Variants in SCNN1A observed in about 807,000 individuals in gnomAD.
SCNN1A encodes the protein sodium channel epithelial 1 subunit alpha, also known as epithelial sodium channel subunit alpha.
Under a neutral mutation model 68.6 loss-of-function variants are expected in SCNN1A, and 65 were observed. The ratio of observed to expected loss-of-function variants is 0.95; its 90% CI spans 0.78 to 1.16. The LOEUF (loss-of-function observed/expected upper bound fraction) is 1.16. SCNN1A is among the 50% of genes most tolerant of loss of function. The pLI is 0.00. For missense variants in SCNN1A, 880 were observed against 865.9 expected (o/e 1.02, Z -0.20); for synonymous variants, 357 against 353.3 (o/e 1.01, Z -0.12).
At chr12:6,350,699 T>G (rs1244076699) in intron 8 of SCNN1A, among the ~76,000 whole-genome samples, 1 of 151,926 alleles carries the variant, frequency 6.6e-6, no homozygotes, top group Non-Finnish European at 1.5e-5. Context: ...TAGTCGGGTG[T>G]GGTGGTGCAC....
chr12:6,348,715 G>A lies in SCNN1A; in HGVS notation c.1629+12C>T. Reference sequence around the variant, plus strand: ...CCCAGAGCATCACAGGCTCCATCCAGGCACGACCTACCGTGACAGAGGGAG... The same window carrying A: ...CCCAGAGCATCACAGGCTCCATCCAAGCACGACCTACCGTGACAGAGGGAG... On this transcript the variant is annotated intron_variant, in intron 12 of 12. Coordinates refer to ENST00000228916, the MANE Select transcript of SCNN1A (RefSeq NM_001038.6). 1 of 1,610,058 alleles carries A rather than the reference G, an allele frequency of 6.2e-7. No individual in the cohort carries two copies. Among genetic ancestry groups the A allele is most frequent in the Non-Finnish European group, 8.5e-7 (1 of 1,176,952 alleles).
rs1466187895 is a variant in SCNN1A, at chr12:6,351,377, A to C, written c.1361-1972T>G. 6.6e-6 allele frequency among the ~76,000 whole-genome samples: 1 copy of C among 152,198 alleles called. No homozygotes were observed. Among genetic ancestry groups the C allele is most frequent in the East Asian group, 1.9e-4 (1 of 5,194 alleles). On this transcript the variant is annotated intron_variant, in intron 8 of 12. Transcript: ENST00000228916. The surrounding 1 kb of genome is among the most constrained non-coding windows in gnomAD (Gnocchi z 4.2). ...AGTGGCTCATGCCTGTAATCCCAGC[A>C]CTTGGGGGCTGAGGTGGGCGGATCA...
intron 2 of SCNN1A, among the ~76,000 whole-genome samples, chr12:6,373,596 T>C (rs1948834349): frequency 6.6e-6 from 1 of 152,162 alleles, no homozygotes; most frequent in Non-Finnish European, 1.5e-5. Flanking sequence ...CCCTCCTCTC[T>C]TCTCCACGCT....
upstream of SCNN1A, chr12:6,375,683 A>G: frequency 6.9e-7 from 1 of 1,454,840 alleles, no homozygotes; most frequent in Admixed American, 2.5e-5. Context: ...GTGAACTGGG[A>G]GTACTGGACC....
upstream of SCNN1A, chr12:6,375,652 AAGG>A: frequency 6.7e-7 from 1 of 1,482,038 alleles, no homozygotes; most frequent in South Asian, 1.3e-5. Context: ...TTTCCGAAGG[AAGG>A]AGGGCTCCCG....
In SCNN1A at chr12:6,347,555, C is replaced by G. The variant is rs1948279197; in HGVS notation, c.*318G>C. On this transcript the variant is annotated 3_prime_UTR_variant, in exon 13 of 13. Transcript: ENST00000228916. Reference sequence around the variant, plus strand: ...TTATCAGCGGTTTCTTAGGAAAGTTCCTTGTCAAAGCTCCAAGTTTCGCTT... The same window carrying G: ...TTATCAGCGGTTTCTTAGGAAAGTTGCTTGTCAAAGCTCCAAGTTTCGCTT... 3 of 421,798 alleles carry G rather than the reference C, an allele frequency of 7.1e-6. No homozygotes were observed. In the South Asian group the frequency reaches 9.0e-5, roughly 13 times the overall value. The allele number at this position is 421,798 out of a possible 1,614,324, so 26.1% of individuals were successfully genotyped here.
chr12:6,349,216 G>A lies in SCNN1A; in HGVS notation c.1445C>T (p.Thr482Ile). ...GTAACCAGCAGAGAGCTGGTAGCTG[G>A]TCACGCTGGGGATGGAGAAAGGTGC... Reference protein sequence around the residue: ...FTKCRKPCSVTSYQLSAGYSR... With the variant: ...FTKCRKPCSVISYQLSAGYSR... Residue 482 changes from threonine (T) to isoleucine (I), a missense_variant, in exon 10 of 13, where the codon ACC becomes ATC. Physicochemically the swap from Thr to Ile is moderately conservative, Grantham distance 89. This residue lies in a region of SCNN1A where 758 missense variants were observed against 721.8 expected (regional missense o/e 1.05). Transcript: ENST00000228916. The A allele has an allele frequency of 6.2e-7, 1 of 1,614,154 alleles. No homozygotes were observed. Among genetic ancestry groups the A allele is most frequent in the Non-Finnish European group, 8.5e-7 (1 of 1,180,016 alleles).
chr12:6,370,134 G>A (rs1043411614), intron 2 of SCNN1A, among the ~76,000 whole-genome samples: 2 of 152,202 alleles, frequency 1.3e-5, no homozygotes, highest in African/African-American at 4.8e-5. Flanking sequence ...ACATTGGAGG[G>A]TGAGTCAACC....
At chr12:6,360,246 C>A (rs536111480) in intron 4 of SCNN1A, among the ~76,000 whole-genome samples, 23 of 152,218 alleles carry the variant, frequency 1.5e-4, no homozygotes, top group Admixed American at 6.5e-4. Flanking sequence ...ACAACCCAGG[C>A]GAGCAATGAG....
In SCNN1A at chr12:6,372,788, C is replaced by G. The variant is rs1232109450; in HGVS notation, c.416+1580G>C. ...GAAAAATGAGGCTAAGAGGAAGGAC[C>G]CAAGAGAGCTCTGAAATGAGGCGGA... On this transcript the variant is annotated intron_variant, in intron 2 of 12. Transcript: ENST00000228916. The surrounding 1 kb of genome is among the most constrained non-coding windows in gnomAD (Gnocchi z 5.8). Among the ~76,000 whole-genome samples, 1 of 152,128 alleles carries G rather than the reference C, an allele frequency of 6.6e-6. No individual in the cohort carries two copies. The highest frequency in any genetic ancestry group is 2.4e-5 in the African/African-American group (1 of 41,412).
chr12:6,350,009 A>T, intron 8 of SCNN1A: 1 of 193,568 alleles, frequency 5.2e-6, no homozygotes, highest in Admixed American at 5.3e-5. Flanking sequence ...TACAGGTGTG[A>T]GCGACCGCAC....
In SCNN1A at chr12:6,374,808, T is replaced by C. The variant is rs369609706; in HGVS notation, c.-25A>G. On this transcript the variant is annotated 5_prime_UTR_variant, in exon 2 of 13. Coordinates refer to ENST00000228916, the MANE Select transcript of SCNN1A (RefSeq NM_001038.6). This position sits in a 1 kb window ranked among gnomAD's most constrained non-coding sequence, Gnocchi z 6.2. Reference sequence around the variant, plus strand: ...TGAGACCTGGTATGGGCTGCAGAGGTCTAGGGTCCTGCTCCTCCAGCTTGT... The same window carrying C: ...TGAGACCTGGTATGGGCTGCAGAGGCCTAGGGTCCTGCTCCTCCAGCTTGT... 100 of 1,612,916 alleles carry C rather than the reference T, an allele frequency of 6.2e-5. 3 individuals carry two copies. The Middle Eastern group carries it at 6.8e-3, about 109-fold the overall frequency.
In SCNN1A at chr12:6,347,935, G is replaced by A. The variant is rs753487231; in HGVS notation, c.1948C>T (p.Arg650Cys). The A allele has an allele frequency of 1.9e-5, 30 of 1,581,808 alleles. No individual in the cohort carries two copies. Among genetic ancestry groups the A allele is most frequent in the South Asian group, 1.3e-4 (11 of 87,732 alleles). ...PPPAYATLGP[R>C]PSPGGSAGAS... ...CCTGCAGAGCCCCCTGGAGATGGGC[G>A]GGGGCCCAGGGTGGCATAGGCAGGG... The change falls in exon 13 of 13, where the codon CGC (arginine) becomes TGC (cysteine). Residue 650 changes from arginine (R) to cysteine (C), a missense_variant. Physicochemically the swap from Arg to Cys is radical, Grantham distance 180. Coordinates refer to ENST00000228916, the MANE Select transcript of SCNN1A (RefSeq NM_001038.6).
In SCNN1A at chr12:6,347,747, T is replaced by C. The variant is rs1275741896; in HGVS notation, c.*126A>G. 6.1e-6 allele frequency: 5 copies of C among 814,270 alleles called. No homozygotes were observed. The highest frequency in any genetic ancestry group is 1.7e-5 in the African/African-American group (1 of 58,788). 50.4% of individuals were successfully genotyped at this position (814,270 alleles called of 1,614,324 possible). On this transcript the variant is annotated 3_prime_UTR_variant, in exon 13 of 13. Coordinates refer to ENST00000228916, the MANE Select transcript of SCNN1A (RefSeq NM_001038.6). The stretch of plus-strand genomic sequence containing the variant: ...GAGCCCTTACCCATCTTGCTTCCCC[T>C]CCACACATCAACGGCAGTTTGGGCG...
chr12:6,369,833 C>CAAA (rs397850777), intron 2 of SCNN1A, among the ~76,000 whole-genome samples: 2,009 of 93,500 alleles, frequency 0.021, 111 homozygotes, highest in Admixed American at 0.14. Context: ...GACTCTGTCT[C>CAAA]AAAAAAAAAA....
At position 6,372,186 on chromosome 12, in the gene SCNN1A, C is replaced by A. The variant is rs1329621556; in HGVS notation, c.416+2182G>T. Among the ~76,000 whole-genome samples, 1 of 152,182 alleles carries A rather than the reference C, an allele frequency of 6.6e-6. No individual in the cohort carries two copies. The highest frequency in any genetic ancestry group is 3.2e-3 in the Middle Eastern group (1 of 316). On this transcript the variant is annotated intron_variant, in intron 2 of 12. Transcript: ENST00000228916. The surrounding 1 kb of genome is among the most constrained non-coding windows in gnomAD (Gnocchi z 5.8). ...TAAATAAATAATGTATGTTCCCTTG[C>A]TCAAATTATTTCCTCTTGCCAAGCC...
At chr12:6,349,296 C>A in intron 9 of SCNN1A, 31 bp downstream of exon 9, 2 of 1,613,234 alleles carry the variant, frequency 1.2e-6, no homozygotes, top group Non-Finnish European at 1.7e-6. Context: ...TGTATTCTAC[C>A]CAACCTGTAC....
intron 1 of SCNN1A, 131 bp downstream of exon 1, chr12:6,375,374 G>T (rs1334482711): frequency 3.4e-6 from 5 of 1,469,920 alleles, no homozygotes; most frequent in Non-Finnish European, 4.5e-6. Flanking sequence ...TCCTGATTCT[G>T]TCTCTGCCCC....
intron 8 of SCNN1A, among the ~76,000 whole-genome samples, chr12:6,352,918 A>G (rs1400491586): frequency 6.6e-6 from 1 of 152,188 alleles, no homozygotes; most frequent in Admixed American, 6.5e-5. Flanking sequence ...GCCCACTACC[A>G]TGTCCCCTCC....
Sources: gnomAD v4.1 joint callset for allele counts (sites outside exome capture counted in the v4.1 genomes callset) on GRCh38, gnomAD v4.1.1 for gene constraint, gnomAD v4.1.1 regional missense constraint, Gnocchi (gnomAD v3.1) non-coding constraint, MANE v1.5 for transcripts, NCBI Gene and HGNC (gene_info 2026-07-23, HGNC 2026-07-21) for gene names.